NKIRAS1: variants seen among roughly 807,000 people sequenced by gnomAD.
NKIRAS1 encodes the protein NF-kappa-B inhibitor-interacting Ras-like protein 1.
A neutral mutation model predicts 19.8 loss-of-function variants in NKIRAS1; 16 were observed. The ratio of observed to expected loss-of-function variants is 0.81; its 90% CI spans 0.55 to 1.23. The LOEUF is 1.23. NKIRAS1 is among the 50% of genes most tolerant of loss of function. NKIRAS1 has a pLI of 0.00. For missense variants in NKIRAS1, 184 were observed against 220.0 expected, an observed-to-expected ratio of 0.84 and a Z score of 1.04; for synonymous variants, 88 against 79.0, an observed-to-expected ratio of 1.11 and a Z score of -0.61.
chr3:23,918,931 T>TTG, upstream of NKIRAS1: 1 of 532,144 alleles, frequency 1.9e-6, no homozygotes, highest in Non-Finnish European at 3.3e-6. Context: ...CTAAATTTTG[T>TTG]TACCCAGATA....
At chr3:23,928,741 T>C (rs9856727) in intron 1 of NKIRAS1, among the ~76,000 whole-genome samples, 26,361 of 145,770 alleles carry the variant, frequency 0.18, 2,398 homozygotes, top group Non-Finnish European at 0.21. Flanking sequence ...CCTGTAATCC[T>C]AGCACTTTGG....
At chr3:23,945,271 G>GCGGCTGCCCTCCCCGT (rs1705613492) in intron 1 of NKIRAS1, 2 of 153,580 alleles carry the variant, frequency 1.3e-5, no homozygotes, top group African/African-American at 2.4e-5. Context: ...TCACATGGTC[G>GCGGCTGCCCTCCCCGT]CGGCTGCCCT....
At chr3:23,937,482 A>G (rs1422385709) in intron 1 of NKIRAS1, among the ~76,000 whole-genome samples, 2 of 152,090 alleles carry the variant, frequency 1.3e-5, no homozygotes, top group Non-Finnish European at 2.9e-5. Context: ...TGAATGGGAA[A>G]ATTTGTGAGT....
At chr3:23,912,056 G>C (rs183320010) in intron 1 of NKIRAS1, among the ~76,000 whole-genome samples, 1 of 150,472 alleles carries the variant, frequency 6.6e-6, no homozygotes, top group Non-Finnish European at 1.5e-5. Flanking sequence ...GAGCTACTGC[G>C]CCTGGCTGTC....
At chr3:23,911,170 C>T (rs1703665943) in intron 2 of NKIRAS1, among the ~76,000 whole-genome samples, 159 bp downstream of exon 2, 1 of 152,034 alleles carries the variant, frequency 6.6e-6, no homozygotes, top group Non-Finnish European at 1.5e-5. Flanking sequence ...TATAAGAATA[C>T]AGGCCAGGCA....
chr3:23,901,561 GCATTTTAC>G (rs1442579274), intron 3 of NKIRAS1, among the ~76,000 whole-genome samples: 1 of 152,082 alleles, frequency 6.6e-6, no homozygotes, highest in Non-Finnish European at 1.5e-5. Context: ...TTTTAAAAAT[GCATTTTAC>G]CACTTTGTTT....
In NKIRAS1 at chr3:23,942,001, CAG is replaced by C. The variant is rs552075073; in HGVS notation, c.-140+4320_-140+4321del. On this transcript the variant is annotated intron_variant, in intron 1 of 4. Transcript: ENST00000421515. ...TTTATTTATTTATTTATTTTTGAGA[CAG>C]AGTCTCACTCTGTTGCCTAGGCTGG... Among the ~76,000 whole-genome samples the C allele has an allele frequency of 1.8e-4, 27 of 150,662 alleles. No individual in the cohort carries two copies. The South Asian group carries it at 5.6e-3, about 31-fold the overall frequency.
upstream of NKIRAS1, chr3:23,921,764 T>A: frequency 1.7e-6 from 1 of 597,838 alleles, no homozygotes; most frequent in South Asian, 2.0e-5. Flanking sequence ...TAGTAGAGAC[T>A]GGGTTTCACT....
chr3:23,910,681 A>C (rs1703610755), intron 3 of NKIRAS1, 130 bp downstream of exon 3: 6 of 653,658 alleles, frequency 9.2e-6, no homozygotes, highest in Non-Finnish European at 1.3e-5. Context: ...TTACCTCTTA[A>C]TCTCTTTTGG....
chr3:23,921,173 GAA>G (rs1438082619), upstream of NKIRAS1, among the ~76,000 whole-genome samples: 2 of 152,176 alleles, frequency 1.3e-5, no homozygotes, highest in East Asian at 3.8e-4. Flanking sequence ...GGGAAGGAGA[GAA>G]AGGGTTCGGG....
chr3:23,907,211 A>G (rs1201840408), intron 3 of NKIRAS1, among the ~76,000 whole-genome samples: 3 of 152,116 alleles, frequency 2.0e-5, no homozygotes, highest in Non-Finnish European at 2.9e-5. Flanking sequence ...TATGATTTTA[A>G]TAACATTTTC....
chr3:23,939,468 A>C (rs1038571843), intron 1 of NKIRAS1, among the ~76,000 whole-genome samples: 12 of 152,198 alleles, frequency 7.9e-5, no homozygotes, highest in Non-Finnish European at 1.6e-4. Flanking sequence ...CCAGGCCAGG[A>C]ACGGTGGCTC....
intron 1 of NKIRAS1, among the ~76,000 whole-genome samples, chr3:23,942,528 T>G (rs1412583746): frequency 6.6e-6 from 1 of 152,126 alleles, no homozygotes. Context: ...GCCTCCCAGG[T>G]TCAAGCGATT....
chr3:23,928,702 A>G (rs2125265234), intron 1 of NKIRAS1, among the ~76,000 whole-genome samples: 1 of 151,630 alleles, frequency 6.6e-6, no homozygotes, highest in East Asian at 1.9e-4. Context: ...AAAAAAAAAA[A>G]AAAAAAAGGC....
chr3:23,937,116 G>A (rs1452048408), intron 1 of NKIRAS1, among the ~76,000 whole-genome samples: 2 of 152,116 alleles, frequency 1.3e-5, no homozygotes, highest in African/African-American at 4.8e-5. Flanking sequence ...AGAGGCCTGG[G>A]GTGGTGTAAT....
At chr3:23,917,740 T>C (rs1294068086), upstream of NKIRAS1, 1 of 1,156,136 alleles carries the variant, frequency 8.6e-7, no homozygotes, top group Non-Finnish European at 1.2e-6. Context: ...GCAGAGCCAT[T>C]TTCATTCCCG....
chr3:23,900,358 G>A (rs1459004739), intron 4 of NKIRAS1, among the ~76,000 whole-genome samples: 2 of 152,120 alleles, frequency 1.3e-5, no homozygotes, highest in Non-Finnish European at 2.9e-5. Flanking sequence ...TTCTAGGCCA[G>A]GCAGAGCGGC....
chr3:23,918,350 AT>A, upstream of NKIRAS1: 2 of 1,423,520 alleles, frequency 1.4e-6, no homozygotes, highest in South Asian at 2.7e-5. Context: ...CTGTTGAAGT[AT>A]TTTTGGTGGA....
chr3:23,901,267 C>T (rs1339067722), intron 3 of NKIRAS1, among the ~76,000 whole-genome samples: 1 of 151,810 alleles, frequency 6.6e-6, no homozygotes, highest in Non-Finnish European at 1.5e-5. Context: ...CAACCTCCGC[C>T]ACCTGGGCTC....
Sources: allele counts gnomAD v4.1 joint callset (sites outside exome capture counted in the v4.1 genomes callset), GRCh38; gene constraint gnomAD v4.1.1; transcripts MANE v1.5; gene names NCBI Gene and HGNC (gene_info 2026-07-23, HGNC 2026-07-21).